Variants in AGBL1 observed in about 807,000 individuals in gnomAD.
AGBL1 encodes AGBL carboxypeptidase 1, also known as cytosolic carboxypeptidase 4.
In AGBL1, 130 loss-of-function variants were observed where a neutral mutation model predicts 118.9. The ratio of observed to expected loss-of-function variants is 1.09; its 90% CI spans 0.95 to 1.26. The LOEUF (loss-of-function observed/expected upper bound fraction) is 1.26. Ranked by LOEUF, AGBL1 falls within the 50% of genes most tolerant of loss-of-function variation. The pLI, the probability that AGBL1 is intolerant of heterozygous loss-of-function variation, is 0.00. For synonymous variants in AGBL1, 555 were observed against 478.9 expected (o/e 1.16, Z -2.08); for missense variants, 1,584 against 1,298.1 (o/e 1.22, Z -3.38).
chr15:86,975,251 T>A (rs1224455361), intron 23 of AGBL1, among the ~76,000 whole-genome samples: 1 of 152,074 alleles, frequency 6.6e-6, no homozygotes, highest in Non-Finnish European at 1.5e-5. Context: ...TCCACATGGC[T>A]GGGGAGGTGT....
chr15:86,480,778 AT>A (rs2082640614), intron 18 of AGBL1, among the ~76,000 whole-genome samples: 1 of 151,982 alleles, frequency 6.6e-6, no homozygotes, highest in Admixed American at 6.6e-5. Context: ...GCTAGGCAGG[AT>A]TTTAAGAGAT....
intron 22 of AGBL1, among the ~76,000 whole-genome samples, chr15:86,684,463 C>CTT (rs11436174): frequency 0.094 from 13,679 of 145,892 alleles, 1,580 homozygotes; most frequent in African/African-American, 0.28. Context: ...ATAGTTCTCT[C>CTT]TTTTTTTTTT....
chr15:86,781,371 T>C (rs1237664977), intron 22 of AGBL1, among the ~76,000 whole-genome samples: 1 of 152,234 alleles, frequency 6.6e-6, no homozygotes, highest in Non-Finnish European at 1.5e-5. Context: ...ATGCCTCTAA[T>C]TGTTTATAGG....
intron 21 of AGBL1, among the ~76,000 whole-genome samples, chr15:86,637,036 AGACATAAAGAACTGT>A (rs2085108878): frequency 6.6e-6 from 1 of 151,968 alleles, no homozygotes; most frequent in South Asian, 2.1e-4. Flanking sequence ...GGTGACAAGC[AGACATAAAGAACTGT>A]GAAAATTCTG....
chr15:86,265,201 T>A (rs1208364196), intron 11 of AGBL1, among the ~76,000 whole-genome samples: 1 of 152,254 alleles, frequency 6.6e-6, no homozygotes, highest in Non-Finnish European at 1.5e-5. Context: ...GAGCTGATTA[T>A]TTGGGATCTC....
In AGBL1 at chr15:86,222,642, C is replaced by G. The variant is rs191862638; in HGVS notation, c.489-2272C>G. Among the ~76,000 whole-genome samples, 6 of 152,248 alleles carry G rather than the reference C, an allele frequency of 3.9e-5. No individual in the cohort carries two copies. In the East Asian group the frequency reaches 1.2e-3, roughly 29 times the overall value. On this transcript the variant is annotated intron_variant, in intron 5 of 22. Coordinates refer to ENST00000614907, the MANE Select transcript of AGBL1 (RefSeq NM_001386094.1). ...ATCATTGCCCTAAATGTGCCCTTTGCTGCACTAAACATTGATCTCCTACTT... is the reference window on the plus strand; with the variant it reads ...ATCATTGCCCTAAATGTGCCCTTTGGTGCACTAAACATTGATCTCCTACTT...
intron 24 of AGBL1, among the ~76,000 whole-genome samples, chr15:87,009,394 C>T (rs187527042): frequency 2.0e-4 from 31 of 152,344 alleles, no homozygotes; most frequent in Admixed American, 1.9e-3. Context: ...GATCCTCTGC[C>T]TAGATTTCAA....
intron 6 of AGBL1, among the ~76,000 whole-genome samples, chr15:86,242,626 C>T (rs2078657960): frequency 1.3e-5 from 2 of 152,232 alleles, no homozygotes; most frequent in Admixed American, 6.5e-5. Flanking sequence ...CACTCATCTG[C>T]ATGTCTCATT....
intron 22 of AGBL1, among the ~76,000 whole-genome samples, chr15:86,880,969 A>G (rs566818826): frequency 6.6e-6 from 1 of 152,150 alleles, no homozygotes; most frequent in East Asian, 2.0e-4. Context: ...TGTGTTCTTC[A>G]GGTGCACACC....
At chr15:86,846,712 A>G (rs370556084) in intron 22 of AGBL1, among the ~76,000 whole-genome samples, 1 of 152,104 alleles carries the variant, frequency 6.6e-6, no homozygotes, top group South Asian at 2.1e-4. Context: ...TTGTATTTTT[A>G]GTAGAGACGA....
At chr15:86,658,448 C>G (rs543954600) in intron 21 of AGBL1, among the ~76,000 whole-genome samples, 1 of 152,258 alleles carries the variant, frequency 6.6e-6, no homozygotes, top group South Asian at 2.1e-4. Context: ...GACTAATGGA[C>G]ACTGACACCT....
At chr15:86,557,802 C>T (rs1403693142) in intron 21 of AGBL1, among the ~76,000 whole-genome samples, 1 of 152,020 alleles carries the variant, frequency 6.6e-6, no homozygotes, top group African/African-American at 2.4e-5. Flanking sequence ...TGTATGATGG[C>T]TGACAAGTGA....
intron 18 of AGBL1, among the ~76,000 whole-genome samples, chr15:86,459,291 C>T (rs1014267595): frequency 4.6e-5 from 7 of 152,090 alleles, no homozygotes; most frequent in Admixed American, 1.3e-4. Context: ...TTTATACTAC[C>T]AGTTTTCCTC....
intron 22 of AGBL1, among the ~76,000 whole-genome samples, chr15:86,754,966 C>G (rs1474412187): frequency 6.6e-6 from 1 of 152,004 alleles, no homozygotes; most frequent in Non-Finnish European, 1.5e-5. Flanking sequence ...TGGAGCCTTA[C>G]TAACTGGAGA....
chr15:86,241,091 G>A (rs138579035), intron 6 of AGBL1, among the ~76,000 whole-genome samples: 8 of 152,300 alleles, frequency 5.3e-5, no homozygotes, highest in South Asian at 2.1e-4. Flanking sequence ...TTCAGCATGC[G>A]TAAAGAGGAG....
At chr15:86,549,540 G>C (rs2083634547) in intron 20 of AGBL1, among the ~76,000 whole-genome samples, 1 of 151,748 alleles carries the variant, frequency 6.6e-6, no homozygotes. Context: ...TTAAAAAATA[G>C]AATCCAGAGA....
chr15:86,083,443 C>T (rs1254806884), intron 1 of AGBL1: 4 of 152,150 alleles, frequency 2.6e-5, no homozygotes, highest in Non-Finnish European at 5.9e-5. Context: ...TTTGCCATTT[C>T]CATTTGTACT....
At chr15:86,700,468 T>TAC (rs67457435) in intron 22 of AGBL1, among the ~76,000 whole-genome samples, 11,354 of 114,584 alleles carry the variant, frequency 0.099, 454 homozygotes, top group Middle Eastern at 0.14. Flanking sequence ...AGCAGACTAA[T>TAC]ACACACACAC....
intron 16 of AGBL1, among the ~76,000 whole-genome samples, chr15:86,285,648 G>A (rs762834437): frequency 5.9e-5 from 9 of 152,080 alleles, no homozygotes; most frequent in Admixed American, 1.3e-4. Flanking sequence ...ACCCAGTCTC[G>A]GGTATGTCTT....
Sources: allele counts gnomAD v4.1 joint callset (sites outside exome capture counted in the v4.1 genomes callset), GRCh38; gene constraint gnomAD v4.1.1; transcripts MANE v1.5; gene names NCBI Gene and HGNC (gene_info 2026-07-23, HGNC 2026-07-21).